Variants in LRRC43 observed in about 807,000 individuals in gnomAD.
LRRC43 encodes the protein leucine-rich repeat-containing protein 43.
Under a neutral mutation model 64.3 loss-of-function variants are expected in LRRC43, and 62 were observed. That is an observed-to-expected ratio of 0.96 (90% CI 0.79 to 1.19). LRRC43 has a LOEUF of 1.19. Ranked by LOEUF, LRRC43 falls within the 50% of genes most tolerant of loss-of-function variation. The probability of loss-of-function intolerance (pLI) is 0.00; values close to 1 mark genes in which losing one functional copy is unlikely to be tolerated. For missense variants in LRRC43, 868 were observed against 845.0 expected, an observed-to-expected ratio of 1.03 and a Z score of -0.34; for synonymous variants, 422 against 382.3, an observed-to-expected ratio of 1.10 and a Z score of -1.21.
At chr12:122,177,812 T>TTTTATTA (rs142883484) in intron 1 of LRRC43, among the ~76,000 whole-genome samples, 2 of 138,420 alleles carry the variant, frequency 1.4e-5, no homozygotes, top group Admixed American at 7.5e-5. Flanking sequence ...ACCTTTGTGG[T>TTTTATTA]TTTATTTATT....
At chr12:122,203,294 C>T (rs760685798) in intron 11 of LRRC43, 21 bp from the exon 12 acceptor site, 1 of 1,607,598 alleles carries the variant, frequency 6.2e-7, no homozygotes, top group Admixed American at 1.7e-5. Flanking sequence ...GGGGCTCATG[C>T]TCGCACTTAA....
intron 1 of LRRC43, chr12:122,172,639 C>A: frequency 1.2e-6 from 2 of 1,614,082 alleles, no homozygotes; most frequent in Non-Finnish European, 1.7e-6. Context: ...TTGAGATATG[C>A]CCGGATGGCT....
At position 122,200,382 on chromosome 12, in the gene LRRC43, T is replaced by C. The variant is rs758041947; in HGVS notation, c.1491+52T>C. ...CATCCACAGGCTGCACTTCTGTCCT[T>C]GTTCCTGTTCCCATCGGGCTGTCCC... On this transcript the variant is annotated intron_variant, in intron 8 of 11. Coordinates refer to ENST00000339777, the MANE Select transcript of LRRC43 (RefSeq NM_001098519.2). The surrounding 1 kb of genome is among the most constrained non-coding windows in gnomAD (Gnocchi z 4.6). 6.2e-7 allele frequency: 1 copy of C among 1,606,880 alleles called. No individual in the cohort carries two copies. Among genetic ancestry groups the C allele is most frequent in the African/African-American group, 1.4e-5 (1 of 73,866 alleles).
chr12:122,203,169 TTTC>T (rs904228097), intron 11 of LRRC43, 143 bp from the exon 12 acceptor site: 3 of 675,896 alleles, frequency 4.4e-6, no homozygotes, highest in East Asian at 2.9e-5. Flanking sequence ...TTTAATTTTA[TTTC>T]TTATTACTGT....
At chr12:122,193,241 C>A (rs527839400) in intron 7 of LRRC43, among the ~76,000 whole-genome samples, 13 of 151,832 alleles carry the variant, frequency 8.6e-5, no homozygotes, top group African/African-American at 2.9e-4. Flanking sequence ...ATTAGCCAGG[C>A]GTGGTGGCAG....
chr12:122,192,330 G>C (rs1247004231), intron 6 of LRRC43, among the ~76,000 whole-genome samples: 1 of 151,928 alleles, frequency 6.6e-6, no homozygotes, highest in Admixed American at 6.6e-5. Context: ...TAGAGATGGG[G>C]TTTCACCATG....
chr12:122,174,199 G>T (rs150682176), intron 1 of LRRC43: 4 of 1,613,944 alleles, frequency 2.5e-6, no homozygotes, highest in Middle Eastern at 1.7e-4. Context: ...GCCAGCTTCA[G>T]TGGGGGCTTC....
At chr12:122,196,358 A>T (rs899721716) in intron 7 of LRRC43, among the ~76,000 whole-genome samples, 6 of 152,176 alleles carry the variant, frequency 3.9e-5, no homozygotes, top group African/African-American at 1.2e-4. Flanking sequence ...ATTATTTGCC[A>T]TATGTAATTT....
intron 10 of LRRC43, 141 bp from the exon 11 acceptor site, chr12:122,201,155 G>T (rs1953834480): frequency 9.5e-7 from 1 of 1,048,326 alleles, no homozygotes; most frequent in African/African-American, 1.6e-5. Flanking sequence ...TTGGGGATGG[G>T]CTGGGGCAGC....
intron 7 of LRRC43, among the ~76,000 whole-genome samples, chr12:122,198,357 A>G (rs1462706096): frequency 6.6e-6 from 1 of 152,110 alleles, no homozygotes; most frequent in Admixed American, 6.6e-5. Context: ...GTATTCACAG[A>G]GTTGCGCAAC....
chr12:122,182,617 C>T (rs1277439576), upstream of LRRC43, among the ~76,000 whole-genome samples: 2 of 151,916 alleles, frequency 1.3e-5, no homozygotes, highest in South Asian at 2.1e-4. Flanking sequence ...CGCTTGAACC[C>T]GGGACACGGA....
rs199554806 is a variant in LRRC43 at position 122,184,763 on chromosome 12, G to C, written c.395G>C (p.Arg132Pro). ...TFFYSYFRSL[R>P]VIDKKVTLVD... ...TTCTACTCCTACTTCCGGTCCCTGCGGGTAATAGACAAGAAGGTCAGTGCT... is the reference window on the plus strand; with the variant it reads ...TTCTACTCCTACTTCCGGTCCCTGCCGGTAATAGACAAGAAGGTCAGTGCT... The change falls in exon 2 of 12, where the codon CGG becomes CCG. Residue 132 changes from arginine to proline, a missense_variant. By Grantham distance (103) the Arg-to-Pro change is moderately radical. Transcript: ENST00000339777. This position sits in a 1 kb window ranked among gnomAD's most constrained non-coding sequence, Gnocchi z 4.0. 1.1e-3 allele frequency: 1,782 copies of C among 1,604,286 alleles called. 1 individual carries two copies. The highest frequency in any genetic ancestry group is 1.4e-3 in the Non-Finnish European group (1,633 of 1,175,468).
upstream of LRRC43, among the ~76,000 whole-genome samples, chr12:122,178,326 TAAC>T (rs1046932086): frequency 2.0e-5 from 3 of 152,220 alleles, no homozygotes; most frequent in Admixed American, 1.3e-4. Flanking sequence ...ACCTCTCCTG[TAAC>T]AACGTCATCC....
intron 1 of LRRC43, among the ~76,000 whole-genome samples, chr12:122,183,688 C>T (rs1032960440): frequency 6.6e-6 from 1 of 152,168 alleles, no homozygotes; most frequent in African/African-American, 2.4e-5. Context: ...CTGAAGCCTG[C>T]GACCTTGAGT....
chr12:122,175,496 C>A (rs1246225522), intron 1 of LRRC43, among the ~76,000 whole-genome samples: 1 of 146,750 alleles, frequency 6.8e-6, no homozygotes, highest in Non-Finnish European at 1.5e-5. Context: ...CATTAGCTTT[C>A]TTTTTCTTTC....
intron 1 of LRRC43, among the ~76,000 whole-genome samples, chr12:122,169,057 C>G (rs1953462875): frequency 6.6e-6 from 1 of 152,076 alleles, no homozygotes; most frequent in African/African-American, 2.4e-5. Flanking sequence ...GTGCGTGATA[C>G]CCAAGCGTGG....
In LRRC43 at chr12:122,184,780, G is replaced by T; in HGVS notation, c.411+1G>T. On this transcript the variant is annotated splice_donor_variant, in intron 2 of 11. Coordinates refer to ENST00000339777, the MANE Select transcript of LRRC43 (RefSeq NM_001098519.2). LOFTEE classifies it high-confidence loss of function. This position sits in a 1 kb window ranked among gnomAD's most constrained non-coding sequence, Gnocchi z 4.0. ...GTCCCTGCGGGTAATAGACAAGAAG[G>T]TCAGTGCTGGGCACGTGGTAGGTGA... The T allele has an allele frequency of 6.3e-7, 1 of 1,594,464 alleles. No individual in the cohort carries two copies. The highest frequency in any genetic ancestry group is 1.1e-5 in the South Asian group (1 of 88,244).
chr12:122,190,691 C>T (rs1371651067), intron 5 of LRRC43, among the ~76,000 whole-genome samples: 10 of 152,062 alleles, frequency 6.6e-5, no homozygotes, highest in African/African-American at 2.2e-4. Flanking sequence ...GGTGAAACCT[C>T]GTCTGTACTA....
chr12:122,170,475 C>CA lies in LRRC43; in HGVS notation c.-406+2699dup, dbSNP rs544114303. Among the ~76,000 whole-genome samples, 1,173 of 151,948 alleles carry CA rather than the reference C, an allele frequency of 7.7e-3. 7 individuals are homozygous for CA. Among genetic ancestry groups the CA allele is most frequent in the Middle Eastern group, 0.017 (5 of 294 alleles). ...TGAAACCCCGTCTCTACTAAAAATA[C>CA]AAAAAATTAGCCGGGCGTGGTGGCG... On this transcript the variant is annotated intron_variant, in intron 1 of 5. Transcript: ENST00000537729.
Sources: allele counts gnomAD v4.1 joint callset (sites outside exome capture counted in the v4.1 genomes callset), GRCh38; gene constraint gnomAD v4.1.1; non-coding constraint Gnocchi (gnomAD v3.1); transcripts MANE v1.5; gene names NCBI Gene and HGNC (gene_info 2026-07-23, HGNC 2026-07-21).